ASDURF: variants seen among roughly 807,000 people sequenced by gnomAD.
ASDURF encodes ASNSD1 upstream open reading frame.
ASDURF carries 3 observed loss-of-function variants against 3.3 expected under a neutral mutation model. The ratio of observed to expected loss-of-function variants is 0.92; its 90% CI spans 0.42 to 2.37. The LOEUF (loss-of-function observed/expected upper bound fraction) is 2.37. Ranked by LOEUF, ASDURF falls within the 30% of genes most tolerant of loss-of-function variation. The pLI, the probability that ASDURF is intolerant of heterozygous loss-of-function variation, is 0.05. For synonymous variants in ASDURF, 11 were observed against 8.3 expected, an observed-to-expected ratio of 1.32 and a Z score of -0.55; for missense variants, 23 against 25.4, an observed-to-expected ratio of 0.90 and a Z score of 0.21.
At position 189,661,613 on chromosome 2, in the gene ASDURF, G is replaced by C. The variant is rs1188357559; in HGVS notation, c.90+3G>C. ...ACAAGGAGGATCTAAGCAGCAAGGT[G>C]AGTGTGAGACGCGACGAAAAGGCTC... On this transcript the variant is annotated splice_donor_region_variant and intron_variant, in intron 1 of 3. Transcript: ENST00000607829. 2.5e-6 allele frequency: 1 copy of C among 399,420 alleles called. No homozygotes were observed. The highest frequency in any genetic ancestry group is 4.4e-6 in the Non-Finnish European group (1 of 226,328). 24.7% of individuals were successfully genotyped at this position (399,420 alleles called of 1,614,324 possible). A position where few individuals can be genotyped will look rare whatever the true frequency, so the allele number is the denominator to read the frequency against.
intron 3 of ASDURF, 149 bp downstream of exon 3, chr2:189,665,600 A>ATATG (rs2032773447): frequency 2.0e-4 from 1 of 4,886 alleles, no homozygotes; most frequent in Non-Finnish European, 3.8e-4. Flanking sequence ...ATATATGTGT[A>ATATG]TATATATATA....
At position 189,661,479 on chromosome 2, in the gene ASDURF, C is replaced by T. The variant is rs2289226; in HGVS notation, c.-42C>T. 0.69 allele frequency: 273,753 copies of T among 398,968 alleles called. 97,043 individuals are homozygous for T. The highest frequency in any genetic ancestry group is 0.77 in the South Asian group (6,026 of 7,862). 24.7% of individuals were successfully genotyped at this position (398,968 alleles called of 1,614,324 possible). A position where few individuals can be genotyped will look rare whatever the true frequency, so the allele number is the denominator to read the frequency against. ...GCGCTGTGGCTAATGCCGTAGGCTC[C>T]TTCAGGGCTGAGCCATCCCGCGTGT... On this transcript the variant is annotated 5_prime_UTR_variant, in exon 1 of 4. Coordinates refer to ENST00000607829, the MANE Select transcript of ASDURF (RefSeq NM_001353493.2).
In ASDURF at chr2:189,661,460, T is replaced by C. The variant is rs1328014129; in HGVS notation, c.-61T>C. The C allele has an allele frequency of 1.5e-5, 6 of 398,986 alleles. No homozygotes were observed. The highest frequency in any genetic ancestry group is 1.4e-4 in the East Asian group (4 of 28,092). The allele number at this position is 398,986 out of a possible 1,614,324, so 24.7% of individuals were successfully genotyped here. On this transcript the variant is annotated 5_prime_UTR_variant, in exon 1 of 4. Transcript: ENST00000607829. ...CGCGGCTGGAAGCGCGCATGCGCTG[T>C]GGCTAATGCCGTAGGCTCCTTCAGG...
At chr2:189,664,957 G>C (rs905003271) in intron 2 of ASDURF, among the ~76,000 whole-genome samples, 5 of 152,136 alleles carry the variant, frequency 3.3e-5, no homozygotes, top group Admixed American at 3.3e-4. Flanking sequence ...CAAAGAGATG[G>C]TAACACCTTA....
At chr2:189,664,490 C>T (rs1051368289) in intron 2 of ASDURF, among the ~76,000 whole-genome samples, 6 of 152,274 alleles carry the variant, frequency 3.9e-5, no homozygotes, top group African/African-American at 7.2e-5. Flanking sequence ...TTTTAACATT[C>T]AGGAAGAAAT....
chr2:189,665,584 TTATATATATATGTGTATATATATA>T (rs1171504937), intron 3 of ASDURF, 133 bp downstream of exon 3: 3 of 140,494 alleles, frequency 2.1e-5, no homozygotes, highest in Admixed American at 9.7e-5. Flanking sequence ...GAGTCAACAG[TTATATATATATGTGTATATATATA>T]TATATATATA....
At chr2:189,663,393 A>ATAT (rs2032715628) in intron 1 of ASDURF, among the ~76,000 whole-genome samples, 1 of 152,058 alleles carries the variant, frequency 6.6e-6, no homozygotes, top group Non-Finnish European at 1.5e-5. Flanking sequence ...AGCTGGGATT[A>ATAT]CAGGCATGTG....
At chr2:189,665,567 C>A (rs1349121801) in intron 3 of ASDURF, 116 bp downstream of exon 3, 18 of 229,426 alleles carry the variant, frequency 7.8e-5, no homozygotes, top group East Asian at 1.4e-4. Flanking sequence ...ATTAGGCTTC[C>A]GAAGATGAGT....
rs1381940190 is a variant in ASDURF at position 189,661,462 on chromosome 2, G to C, written c.-59G>C. ...CGGCTGGAAGCGCGCATGCGCTGTG[G>C]CTAATGCCGTAGGCTCCTTCAGGGC... On this transcript the variant is annotated 5_prime_UTR_variant, in exon 1 of 4. Transcript: ENST00000607829. 2.5e-6 allele frequency: 1 copy of C among 399,068 alleles called. No individual in the cohort carries two copies. The highest frequency in any genetic ancestry group is 4.4e-6 in the Non-Finnish European group (1 of 226,148). The allele number at this position is 399,068 out of a possible 1,614,324, so 24.7% of individuals were successfully genotyped here.
At chr2:189,661,735 C>T (rs1160004512) in intron 1 of ASDURF, 125 bp downstream of exon 1, 1 of 397,894 alleles carries the variant, frequency 2.5e-6, no homozygotes. Context: ...CTACTTTGCT[C>T]TTTTTATTCA....
rs1317091733 is a variant in ASDURF at position 189,661,459 on chromosome 2, G to T, written c.-62G>T. On this transcript the variant is annotated 5_prime_UTR_variant, in exon 1 of 4. Transcript: ENST00000607829. ...GCGCGGCTGGAAGCGCGCATGCGCT[G>T]TGGCTAATGCCGTAGGCTCCTTCAG... 2 of 398,988 alleles carry T rather than the reference G, an allele frequency of 5.0e-6. No homozygotes were observed. Among genetic ancestry groups the T allele is most frequent in the Non-Finnish European group, 8.8e-6 (2 of 226,102 alleles). 24.7% of individuals were successfully genotyped at this position (398,988 alleles called of 1,614,324 possible). A position where few individuals can be genotyped will look rare whatever the true frequency, so the allele number is the denominator to read the frequency against.
At chr2:189,662,239 A>G (rs1182730099) in intron 1 of ASDURF, among the ~76,000 whole-genome samples, 1 of 152,206 alleles carries the variant, frequency 6.6e-6, no homozygotes, top group Non-Finnish European at 1.5e-5. Context: ...CCAATATAAT[A>G]TAAGCCTTAA....
intron 1 of ASDURF, among the ~76,000 whole-genome samples, chr2:189,663,545 A>G (rs1231088892): frequency 6.6e-6 from 1 of 152,160 alleles, no homozygotes; most frequent in Non-Finnish European, 1.5e-5. Flanking sequence ...GAGCCACCGC[A>G]CCCGGCCTGG....
rs772923573 is a variant in ASDURF, at chr2:189,661,565, C to T, written c.45C>T (p.Ile15=). The change falls in exon 1 of 4, where the codon ATC becomes ATT. Residue 15 remains isoleucine (I), a synonymous_variant. Transcript: ENST00000607829. ...GACCAGAGGACAGCTCTGTGCTGAT[C>T]CCCACCGACAATTCGACCCCACACA... is the stretch of plus-strand genomic sequence containing the variant. ...GTRPEDSSVL[I]PTDNSTPHKE... 4.8e-5 allele frequency: 19 copies of T among 399,122 alleles called. No homozygotes were observed. Among genetic ancestry groups the T allele is most frequent in the Non-Finnish European group, 7.1e-5 (16 of 226,218 alleles). 24.7% of individuals were successfully genotyped at this position (399,122 alleles called of 1,614,324 possible).
intron 1 of ASDURF, among the ~76,000 whole-genome samples, chr2:189,663,108 A>G (rs1168672908): frequency 6.6e-6 from 1 of 152,148 alleles, no homozygotes; most frequent in Non-Finnish European, 1.5e-5. Context: ...CACTTAGTAC[A>G]TAAAATCATG....
At chr2:189,663,060 C>G (rs2032704818) in intron 1 of ASDURF, among the ~76,000 whole-genome samples, 1 of 151,648 alleles carries the variant, frequency 6.6e-6, no homozygotes, top group Non-Finnish European at 1.5e-5. Flanking sequence ...TTACTGTCCC[C>G]AAATAGGGCA....
rs904142065 is a variant in ASDURF at position 189,661,873 on chromosome 2, C to T, written c.90+263C>T. 2.0e-5 allele frequency among the ~76,000 whole-genome samples: 3 copies of T among 152,280 alleles called. No individual in the cohort carries two copies. In the East Asian group the frequency reaches 5.8e-4, roughly 29 times the overall value. On this transcript the variant is annotated intron_variant, in intron 1 of 3. Coordinates refer to ENST00000607829, the MANE Select transcript of ASDURF (RefSeq NM_001353493.2). ...CGGAGTTTTGGTTGGGTGTTTTCCT[C>T]CCTAGTCTTTTTAAACTTTTGGAAA...
chr2:189,663,045 A>C (rs2032704514), intron 1 of ASDURF, among the ~76,000 whole-genome samples: 1 of 151,792 alleles, frequency 6.6e-6, no homozygotes, highest in Non-Finnish European at 1.5e-5. Context: ...GGAACATGAT[A>C]GGTCTTACTG....
Position 189,661,470 on chromosome 2 carries a change from CG to C in ASDURF, c.-50del, listed in dbSNP as rs1366835158. On this transcript the variant is annotated 5_prime_UTR_variant, in exon 1 of 4. The change abolishes the stop of an existing upstream ORF in the 5' untranslated region. Coordinates refer to ENST00000607829, the MANE Select transcript of ASDURF (RefSeq NM_001353493.2). ...AGCGCGCATGCGCTGTGGCTAATGC[CG>C]TAGGCTCCTTCAGGGCTGAGCCATC... 5.0e-6 allele frequency: 2 copies of C among 399,052 alleles called. No individual in the cohort carries two copies. The highest frequency in any genetic ancestry group is 4.4e-5 in the Admixed American group (1 of 22,716). 24.7% of individuals were successfully genotyped at this position (399,052 alleles called of 1,614,324 possible).
Sources: gnomAD v4.1 joint callset for allele counts (sites outside exome capture counted in the v4.1 genomes callset) on GRCh38, gnomAD v4.1.1 for gene constraint, MANE v1.5 for transcripts, NCBI Gene and HGNC (gene_info 2026-07-23, HGNC 2026-07-21) for gene names.